The following LRRC27 variants were observed in gnomAD, a reference collection of about 807,000 sequenced individuals.
The protein encoded by LRRC27 is leucine-rich repeat-containing protein 27.
LRRC27 carries 57 observed loss-of-function variants against 55.0 expected under a neutral mutation model. The ratio of observed to expected loss-of-function variants is 1.04; its 90% CI spans 0.84 to 1.29. LRRC27 has a LOEUF of 1.29. Among genes scored for constraint, LRRC27 ranks in the 50% most tolerant of loss-of-function variants. The pLI, the probability that LRRC27 is intolerant of heterozygous loss-of-function variation, is 0.00. For synonymous variants in LRRC27, 278 were observed against 251.9 expected (o/e 1.10, Z -0.98); for missense variants, 721 against 651.5 (o/e 1.11, Z -1.16).
At chr10:132,364,477 C>T (rs1189274061) in intron 9 of LRRC27, among the ~76,000 whole-genome samples, 4 of 117,682 alleles carry the variant, frequency 3.4e-5, no homozygotes, top group South Asian at 2.6e-4. Context: ...ACACTTACAC[C>T]CACCCACACT....
chr10:132,349,053 G>C, intron 6 of LRRC27: 1 of 1,604,216 alleles, frequency 6.2e-7, no homozygotes, highest in East Asian at 2.2e-5. Context: ...CTACACATAT[G>C]GGAGGTATGT....
At chr10:132,346,806 C>T (rs530849140) in intron 5 of LRRC27, among the ~76,000 whole-genome samples, 1 of 137,676 alleles carries the variant, frequency 7.3e-6, no homozygotes, top group African/African-American at 2.7e-5. Flanking sequence ...TGTTTCTAGT[C>T]ACTTGTACCC....
chr10:132,363,276 G>A (rs909444292), intron 9 of LRRC27, among the ~76,000 whole-genome samples: 2 of 151,486 alleles, frequency 1.3e-5, no homozygotes, highest in African/African-American at 4.9e-5. Flanking sequence ...ACAGCTGCTC[G>A]GGGGTCCGGG....
intron 7 of LRRC27, among the ~76,000 whole-genome samples, chr10:132,354,807 G>A (rs986278858): frequency 3.3e-5 from 5 of 152,158 alleles, no homozygotes; most frequent in African/African-American, 1.2e-4. Context: ...GGAGAAACAA[G>A]AGGAGGCCGG....
chr10:132,344,423 A>G (rs2067572735), intron 4 of LRRC27, 75 bp from the exon 5 acceptor site: 1 of 1,400,674 alleles, frequency 7.1e-7, no homozygotes, highest in Non-Finnish European at 9.8e-7. Context: ...GTGAAAAGTT[A>G]CTATTATTTA....
In LRRC27 at chr10:132,355,838, G is replaced by T; in HGVS notation, c.1122G>T (p.Arg374Ser). The T allele has an allele frequency of 1.3e-6, 2 of 1,558,664 alleles. No individual in the cohort carries two copies. Among genetic ancestry groups the T allele is most frequent in the Non-Finnish European group, 1.7e-6 (2 of 1,150,990 alleles). ...QEWRERAQRM[R>S]KRKEELSKLL... ...GGAGAGAGCGAGCCCAGAGGATGAGGAAGAGGAAGGAAGAGCTCAGCAAAC... is the reference window on the plus strand; with the variant it reads ...GGAGAGAGCGAGCCCAGAGGATGAGTAAGAGGAAGGAAGAGCTCAGCAAAC... Residue 374 changes from arginine (R) to serine (S), a missense_variant, in exon 8 of 11, where the codon AGG becomes AGT. Transcript: ENST00000368614.
At chr10:132,337,231 G>T (rs1318734514) in intron 2 of LRRC27, 1 of 1,177,590 alleles carries the variant, frequency 8.5e-7, no homozygotes, top group East Asian at 5.4e-5. Context: ...CTGGAGAAAC[G>T]GCCGAGACAC....
chr10:132,361,911 C>G (rs1017960865), intron 9 of LRRC27, among the ~76,000 whole-genome samples: 1 of 152,124 alleles, frequency 6.6e-6, no homozygotes, highest in African/African-American at 2.4e-5. Context: ...AGTCCCTGCC[C>G]TGCCCTGCCG....
At chr10:132,373,006 C>T (rs531941667) in intron 10 of LRRC27, among the ~76,000 whole-genome samples, 33 of 152,152 alleles carry the variant, frequency 2.2e-4, no homozygotes, top group African/African-American at 8.0e-4. Context: ...GAGCGAGCTT[C>T]GAATGGATGC....
chr10:132,348,493 G>A lies in LRRC27; in HGVS notation c.926+137G>A. 6 of 1,217,018 alleles carry A rather than the reference G, an allele frequency of 4.9e-6. No homozygotes were observed. The highest frequency in any genetic ancestry group is 6.9e-6 in the Non-Finnish European group (6 of 871,618). 75.4% of individuals were successfully genotyped at this position (1,217,018 alleles called of 1,614,324 possible). On this transcript the variant is annotated intron_variant, in intron 6 of 10. Coordinates refer to ENST00000368614, the MANE Select transcript of LRRC27 (RefSeq NM_030626.3). This position sits in a 1 kb window ranked among gnomAD's most constrained non-coding sequence, Gnocchi z 4.2. ...CACCGTTTACTGTGCAGTGAGTGCC[G>A]GTCCCAGGTTTAGGGTAACGGGGAC... is the stretch of plus-strand genomic sequence containing the variant.
In LRRC27 at chr10:132,344,476, GTT is replaced by G; in HGVS notation, c.401-14_401-13del. ...AAGAATGGTATATAGAATGCTGACA[GTT>G]TTTTTTTCCTCCACTGCAGGGAGCG... On this transcript the variant is annotated intron_variant, in intron 4 of 10. Coordinates refer to ENST00000368614, the MANE Select transcript of LRRC27 (RefSeq NM_030626.3). 1.9e-6 allele frequency: 3 copies of G among 1,570,640 alleles called. No homozygotes were observed. The highest frequency in any genetic ancestry group is 2.6e-6 in the Non-Finnish European group (3 of 1,147,732).
intron 9 of LRRC27, among the ~76,000 whole-genome samples, chr10:132,363,978 C>T (rs1277282681): frequency 6.6e-6 from 1 of 152,050 alleles, no homozygotes; most frequent in African/African-American, 2.4e-5. Context: ...TCGTCTCAAA[C>T]ATTTGAATGT....
chr10:132,333,328 T>TTTA (rs397963683), intron 1 of LRRC27, 149 bp from the exon 2 acceptor site: 1 of 425,386 alleles, frequency 2.4e-6, no homozygotes. Flanking sequence ...TTTTTTTTTT[T>TTTA]ACATGTTTAA....
chr10:132,365,055 G>A (rs904157343), intron 9 of LRRC27, among the ~76,000 whole-genome samples: 11 of 152,384 alleles, frequency 7.2e-5, no homozygotes, highest in Admixed American at 3.3e-4. Context: ...TAGGAAAACC[G>A]TGTATTCCAT....
chr10:132,352,046 G>GCTCGTGGT (rs2068045735), intron 7 of LRRC27, among the ~76,000 whole-genome samples: 16 of 129,790 alleles, frequency 1.2e-4, no homozygotes, highest in Non-Finnish European at 2.4e-4. Context: ...TGGGGCAGGC[G>GCTCGTGGT]CTGAGGCCTC....
rs773974064 is a variant in LRRC27, at chr10:132,348,302, T to C, written c.872T>C (p.Leu291Pro). 1.9e-6 allele frequency: 3 copies of C among 1,613,984 alleles called. No homozygotes were observed. Among genetic ancestry groups the C allele is most frequent in the South Asian group, 2.2e-5 (2 of 91,078 alleles). Reference sequence around the variant, plus strand: ...TTGACGAGGGAATTACCTCCAAATCTCAAGGCGGCCTTGAACATTGAGAAA... The same window carrying C: ...TTGACGAGGGAATTACCTCCAAATCCCAAGGCGGCCTTGAACATTGAGAAA... Reference protein sequence around the residue: ...QLLTRELPPNLKAALNIEKEL... With the variant: ...QLLTRELPPNPKAALNIEKEL... Residue 291 changes from leucine to proline, a missense_variant, in exon 6 of 11, where the codon CTC (leucine) becomes CCC (proline). Physicochemically the swap from Leu to Pro is moderately conservative, Grantham distance 98 (BLOSUM62 -3). Transcript: ENST00000368614. This position sits in a 1 kb window ranked among gnomAD's most constrained non-coding sequence, Gnocchi z 4.2.
At chr10:132,344,831 C>T (rs560259472) in intron 5 of LRRC27, 181 bp downstream of exon 5, 27 of 553,394 alleles carry the variant, frequency 4.9e-5, no homozygotes, top group Middle Eastern at 5.0e-4. Context: ...TGTGACTTTT[C>T]CTTGGTTCTA....
chr10:132,338,999 C>T (rs551778181), intron 3 of LRRC27, among the ~76,000 whole-genome samples: 6 of 152,206 alleles, frequency 3.9e-5, no homozygotes, highest in African/African-American at 7.2e-5. Flanking sequence ...CATGAGCCCC[C>T]GCGCCCGGCT....
intron 8 of LRRC27, among the ~76,000 whole-genome samples, 180 bp downstream of exon 8, chr10:132,356,066 G>C (rs2068298183): frequency 6.6e-6 from 1 of 151,120 alleles, no homozygotes; most frequent in African/African-American, 2.4e-5. Flanking sequence ...TGTGCAGGCT[G>C]CTGGCTGGTG....
Sources: gnomAD v4.1 joint callset for allele counts (sites outside exome capture counted in the v4.1 genomes callset) on GRCh38, gnomAD v4.1.1 for gene constraint, Gnocchi (gnomAD v3.1) non-coding constraint, MANE v1.5 for transcripts, NCBI Gene and HGNC (gene_info 2026-07-23, HGNC 2026-07-21) for gene names.